The following CCSER1 variants were observed in gnomAD, a reference collection of about 807,000 sequenced individuals.
CCSER1 encodes coiled-coil serine rich protein 1.
In CCSER1, 41 loss-of-function variants were observed where a neutral mutation model predicts 82.0. The ratio of observed to expected loss-of-function variants is 0.50; its 90% CI spans 0.39 to 0.65. CCSER1 has a LOEUF of 0.65. Ranked by LOEUF, CCSER1 falls within the 30% of genes least tolerant of loss-of-function variation. The probability of loss-of-function intolerance (pLI) is 0.00; values close to 1 mark genes in which losing one functional copy is unlikely to be tolerated. For missense variants in CCSER1, 1,119 were observed against 1,064.2 expected, an observed-to-expected ratio of 1.05 and a Z score of -0.72; for synonymous variants, 414 against 383.9, an observed-to-expected ratio of 1.08 and a Z score of -0.92.
intron 3 of CCSER1, among the ~76,000 whole-genome samples, chr4:90,370,858 T>C (rs904641238): frequency 6.6e-6 from 1 of 152,096 alleles, no homozygotes; most frequent in Non-Finnish European, 1.5e-5. Context: ...TCCTTTGAAG[T>C]ATTTAAAGTT....
At chr4:91,291,389 T>A (rs914438344) in intron 10 of CCSER1, among the ~76,000 whole-genome samples, 9 of 152,052 alleles carry the variant, frequency 5.9e-5, no homozygotes, top group African/African-American at 2.2e-4. Flanking sequence ...GTTCTCGCAC[T>A]GCTACGAAGA....
chr4:91,452,005 T>G (rs537647869), intron 10 of CCSER1, among the ~76,000 whole-genome samples: 1 of 152,140 alleles, frequency 6.6e-6, no homozygotes, highest in African/African-American at 2.4e-5. Flanking sequence ...ATTTCATTTT[T>G]AAGGGTTTGC....
chr4:91,550,611 T>A (rs2110222310), intron 10 of CCSER1, among the ~76,000 whole-genome samples: 1 of 152,328 alleles, frequency 6.6e-6, no homozygotes, highest in South Asian at 2.1e-4. Flanking sequence ...AAGTTCGTTT[T>A]GTAATGTTTT....
intron 6 of CCSER1, among the ~76,000 whole-genome samples, chr4:90,643,323 G>A (rs1726910305): frequency 6.6e-6 from 1 of 152,178 alleles, no homozygotes; most frequent in African/African-American, 2.4e-5. Flanking sequence ...AAGGAAACAG[G>A]CAGCTGTCCA....
At chr4:91,108,817 G>A (rs1440544297) in intron 10 of CCSER1, among the ~76,000 whole-genome samples, 1 of 152,156 alleles carries the variant, frequency 6.6e-6, no homozygotes. Flanking sequence ...ACTAGATCAA[G>A]GAATACGAAG....
intron 10 of CCSER1, among the ~76,000 whole-genome samples, chr4:91,445,390 C>CTTTTTTTTTT (rs5860235): frequency 7.0e-6 from 1 of 141,904 alleles, no homozygotes; most frequent in Non-Finnish European, 1.5e-5. Context: ...ATAGTAATTC[C>CTTTTTTTTTT]TTTTTTTTTT....
chr4:90,499,344 A>G (rs567423743), intron 5 of CCSER1, among the ~76,000 whole-genome samples: 4 of 152,186 alleles, frequency 2.6e-5, no homozygotes, highest in African/African-American at 9.6e-5. Flanking sequence ...GATCTATTTC[A>G]TGTCTCTATA....
chr4:91,461,712 G>A (rs1276949022), intron 10 of CCSER1, among the ~76,000 whole-genome samples: 1 of 152,118 alleles, frequency 6.6e-6, no homozygotes, highest in African/African-American at 2.4e-5. Context: ...GTAGCTTTGA[G>A]TCAGAGATTT....
rs146032287 is a variant in CCSER1 at position 90,308,998 on chromosome 4, A to G, written c.714A>G (p.Ala238=). ...GTTCTGTGGATGTAACAGAACGGGC[A>G]GGAAGCTCTTTACAATCTCCTTTGC... The part of the protein sequence containing the change: ...PSCSVDVTER[A]GSSLQSPLLS... Residue 238 remains alanine, a synonymous_variant, in exon 2 of 11, where the codon GCA becomes GCG. Transcript: ENST00000509176. The G allele has an allele frequency of 0.011, 18,537 of 1,613,828 alleles. 147 individuals carry two copies. The highest frequency in any genetic ancestry group is 0.037 in the Middle Eastern group (223 of 6,062).
intron 6 of CCSER1, among the ~76,000 whole-genome samples, chr4:90,656,018 T>A (rs1313697742): frequency 6.6e-6 from 1 of 151,954 alleles, no homozygotes; most frequent in Non-Finnish European, 1.5e-5. Flanking sequence ...ATAATTTAAT[T>A]TCTTTCATTC....
intron 10 of CCSER1, among the ~76,000 whole-genome samples, chr4:91,409,366 A>G (rs1240950116): frequency 2.0e-5 from 3 of 152,110 alleles, no homozygotes; most frequent in African/African-American, 7.2e-5. Context: ...ATCACCATTC[A>G]TTGTAGGTTA....
intron 10 of CCSER1, among the ~76,000 whole-genome samples, chr4:91,267,755 T>C (rs1741715132): frequency 6.6e-6 from 1 of 152,186 alleles, no homozygotes; most frequent in African/African-American, 2.4e-5. Flanking sequence ...CACAGGACAT[T>C]TATGACTAGC....
chr4:90,610,344 A>T (rs1785305478), intron 5 of CCSER1, among the ~76,000 whole-genome samples: 5 of 152,098 alleles, frequency 3.3e-5, no homozygotes, highest in Admixed American at 3.3e-4. Context: ...GATCGCAAGG[A>T]ATCTGCCATT....
intron 10 of CCSER1, among the ~76,000 whole-genome samples, chr4:91,489,058 GAA>G: frequency 6.6e-6 from 1 of 152,246 alleles, no homozygotes; most frequent in East Asian, 1.9e-4. Flanking sequence ...GCGAGTCCTA[GAA>G]AAAAAGTGAT....
intron 6 of CCSER1, among the ~76,000 whole-genome samples, chr4:90,707,577 T>C (rs2149309515): frequency 6.6e-6 from 1 of 151,870 alleles, no homozygotes; most frequent in Middle Eastern, 3.4e-3. Context: ...CAGTTTTTAC[T>C]ACTTCCACTG....
At chr4:91,086,070 A>G in intron 10 of CCSER1, 76 bp downstream of exon 10, 1 of 842,926 alleles carries the variant, frequency 1.2e-6, no homozygotes, top group Non-Finnish European at 1.9e-6. Flanking sequence ...GGTGATGGTG[A>G]TTGACGATAA....
intron 9 of CCSER1, among the ~76,000 whole-genome samples, chr4:90,957,598 T>TAA (rs1283267573): frequency 2.3e-5 from 3 of 131,426 alleles, no homozygotes; most frequent in East Asian, 2.0e-4. Flanking sequence ...ATTATTTATA[T>TAA]TATATATAAT....
chr4:91,357,697 A>C (rs1023946861), intron 10 of CCSER1, among the ~76,000 whole-genome samples: 1 of 152,130 alleles, frequency 6.6e-6, no homozygotes, highest in Non-Finnish European at 1.5e-5. Context: ...TAAATTATAC[A>C]ACATTTTTTG....
intron 10 of CCSER1, among the ~76,000 whole-genome samples, chr4:91,346,915 T>G (rs1748101087): frequency 1.3e-5 from 2 of 152,182 alleles, no homozygotes; most frequent in Non-Finnish European, 1.5e-5. Context: ...AAAATATATT[T>G]TCCTAGTCTA....
Sources: gnomAD v4.1 joint callset for allele counts (sites outside exome capture counted in the v4.1 genomes callset) on GRCh38, gnomAD v4.1.1 for gene constraint, MANE v1.5 for transcripts, NCBI Gene and HGNC (gene_info 2026-07-23, HGNC 2026-07-21) for gene names.